SNX29: variants seen among roughly 807,000 people sequenced by gnomAD.
The protein encoded by SNX29 is sorting nexin-29.
Under a neutral mutation model 102.1 loss-of-function variants are expected in SNX29, and 78 were observed. The ratio of observed to expected loss-of-function variants is 0.76; its 90% confidence interval spans 0.64 to 0.92. The LOEUF (loss-of-function observed/expected upper bound fraction) is 0.92. Among genes scored for constraint, SNX29 ranks in the 40% least tolerant of loss-of-function variants. The probability of loss-of-function intolerance (pLI) is 0.00; values close to 1 mark genes in which losing one functional copy is unlikely to be tolerated. For missense variants in SNX29, 1,280 were observed against 1,061.7 expected (o/e 1.21, Z -2.86); for synonymous variants, 580 against 414.5 (o/e 1.40, Z -4.85).
At chr16:12,518,271 T>G (rs1381126456) in intron 19 of SNX29, among the ~76,000 whole-genome samples, 2 of 152,294 alleles carry the variant, frequency 1.3e-5, no homozygotes, top group East Asian at 3.9e-4. Flanking sequence ...CCCGTTGGCT[T>G]TGTTCACTGG....
intron 3 of SNX29, among the ~76,000 whole-genome samples, chr16:12,025,770 G>C (rs2057174317): frequency 6.6e-6 from 1 of 152,308 alleles, no homozygotes; most frequent in African/African-American, 2.4e-5. Flanking sequence ...GACGAGTAAA[G>C]ATTGAGTAAG....
intron 18 of SNX29, among the ~76,000 whole-genome samples, chr16:12,407,030 A>T (rs1189509542): frequency 6.6e-6 from 1 of 152,222 alleles, no homozygotes; most frequent in Non-Finnish European, 1.5e-5. Context: ...CATTTACCCC[A>T]CACACAGAGG....
At chr16:12,531,802 G>A (rs549974486) in intron 20 of SNX29, among the ~76,000 whole-genome samples, 3 of 152,214 alleles carry the variant, frequency 2.0e-5, no homozygotes, top group Non-Finnish European at 4.4e-5. Flanking sequence ...AGAGCCAGGC[G>A]AGGGCAGAGT....
chr16:12,559,381 C>A (rs1241017602), intron 20 of SNX29, among the ~76,000 whole-genome samples: 2 of 151,372 alleles, frequency 1.3e-5, no homozygotes, highest in East Asian at 3.9e-4. Context: ...TGATCTCTCA[C>A]CCTCTCCCAT....
intron 13 of SNX29, among the ~76,000 whole-genome samples, chr16:12,175,509 G>A (rs984036336): frequency 2.0e-5 from 3 of 152,064 alleles, no homozygotes; most frequent in Non-Finnish European, 4.4e-5. Context: ...AAATTAGCCA[G>A]GGATGGTGGT....
chr16:12,113,188 C>A (rs1409557581), intron 11 of SNX29, among the ~76,000 whole-genome samples: 1 of 152,186 alleles, frequency 6.6e-6, no homozygotes, highest in Non-Finnish European at 1.5e-5. Flanking sequence ...AGCACGGCAT[C>A]TTTCATTTTG....
intron 13 of SNX29, among the ~76,000 whole-genome samples, chr16:12,172,140 C>T (rs2076163439): frequency 6.6e-6 from 1 of 152,136 alleles, no homozygotes; most frequent in Non-Finnish European, 1.5e-5. Context: ...GAAGTGTTGC[C>T]TAAGAATGAA....
intron 16 of SNX29, among the ~76,000 whole-genome samples, chr16:12,364,239 C>G (rs902651832): frequency 2.1e-4 from 30 of 142,368 alleles, no homozygotes; most frequent in Admixed American, 3.8e-4. Flanking sequence ...CAGGCTCTCA[C>G]TATATTGCCC....
intron 13 of SNX29, among the ~76,000 whole-genome samples, chr16:12,158,127 T>C (rs2055630995): frequency 6.6e-6 from 1 of 152,032 alleles, no homozygotes; most frequent in Non-Finnish European, 1.5e-5. Flanking sequence ...TGCCCAGGCT[T>C]GATTGCAGTG....
intron 19 of SNX29, among the ~76,000 whole-genome samples, chr16:12,501,696 G>A (rs1034103117): frequency 1.4e-4 from 17 of 119,512 alleles, no homozygotes; most frequent in Non-Finnish European, 2.4e-4. Context: ...TACTACTCCA[G>A]CCTGGGTGGC....
intron 20 of SNX29, among the ~76,000 whole-genome samples, chr16:12,560,018 A>G (rs911738681): frequency 1.3e-5 from 2 of 152,172 alleles, no homozygotes; most frequent in Non-Finnish European, 2.9e-5. Context: ...TACATTTTGG[A>G]AGACTTAGTA....
At chr16:12,169,488 G>T (rs1596411118) in intron 13 of SNX29, among the ~76,000 whole-genome samples, 1 of 152,146 alleles carries the variant, frequency 6.6e-6, no homozygotes, top group African/African-American at 2.4e-5. Context: ...GCCGCCTACT[G>T]CCTTGGTGAA....
At position 12,356,225 on chromosome 16, in the gene SNX29, C is replaced by T. The variant is rs1373220845; in HGVS notation, c.1845C>T (p.Ala615=). The stretch of plus-strand genomic sequence containing the variant: ...AGCGCCTGCACAGGGCCCTGGTAGC[C>T]AAGGAAGCCCTCGTGTCCCAGATGA... The part of the protein sequence containing the change: ...FNERLHRALV[A]KEALVSQMRQ... Residue 615 remains alanine (A), a synonymous_variant, in exon 16 of 21, where the codon GCC becomes GCT. Transcript: ENST00000566228. 1.2e-6 allele frequency: 2 copies of T among 1,613,294 alleles called. No homozygotes were observed. The highest frequency in any genetic ancestry group is 2.2e-5 in the South Asian group (2 of 90,796).
chr16:12,093,818 GT>G (rs1304806107), intron 11 of SNX29: 2 of 152,194 alleles, frequency 1.3e-5, no homozygotes, highest in Non-Finnish European at 2.9e-5. Context: ...GTGCTTGTGT[GT>G]TTGTGCACAT....
chr16:12,373,233 A>G (rs1479577860), intron 16 of SNX29, among the ~76,000 whole-genome samples: 1 of 152,214 alleles, frequency 6.6e-6, no homozygotes, highest in African/African-American at 2.4e-5. Flanking sequence ...TGTGGGCTCA[A>G]GCAGTCCTCC....
chr16:12,106,618 C>T (rs1366020352), intron 11 of SNX29, among the ~76,000 whole-genome samples: 1 of 150,722 alleles, frequency 6.6e-6, no homozygotes, highest in Admixed American at 6.6e-5. Flanking sequence ...GGACTACAGG[C>T]ACGTGCCACC....
At chr16:12,081,468 C>G (rs1304321278) in intron 11 of SNX29, 2 of 152,084 alleles carry the variant, frequency 1.3e-5, no homozygotes, top group African/African-American at 4.8e-5. Flanking sequence ...GAAATCACAG[C>G]TTCTGTACTC....
At position 12,180,467 on chromosome 16, in the gene SNX29, A is replaced by G. The variant is rs560066175; in HGVS notation, c.1596-19134A>G. Among the ~76,000 whole-genome samples the G allele has an allele frequency of 4.6e-5, 7 of 150,970 alleles. No homozygotes were observed. In the East Asian group the frequency reaches 1.4e-3, roughly 29 times the overall value. ...AATATTGTGTATGGTTTTATTGGAT[A>G]CTTCTTTGTTGCTTCTCTGTCTCTT... is the stretch of plus-strand genomic sequence containing the variant. On this transcript the variant is annotated intron_variant, in intron 13 of 20. Transcript: ENST00000566228.
rs964191723 is a variant in SNX29, at chr16:12,564,915, C to T, written c.2319-3591C>T. On this transcript the variant is annotated intron_variant, in intron 20 of 20. Coordinates refer to ENST00000566228, the MANE Select transcript of SNX29 (RefSeq NM_032167.5). ...GGGGAGGAGGCATCTGCAGCAGGGACTGGAGGGAACCTTGGTGTTAAAAAA... is the reference window on the plus strand; with the variant it reads ...GGGGAGGAGGCATCTGCAGCAGGGATTGGAGGGAACCTTGGTGTTAAAAAA... Among the ~76,000 whole-genome samples, 11 of 128,898 alleles carry T rather than the reference C, an allele frequency of 8.5e-5. No homozygotes were observed. In the South Asian group the frequency reaches 2.5e-3, roughly 29 times the overall value. The allele number at this position is 128,898 out of a possible 152,430, so 84.6% of individuals were successfully genotyped here.
Sources: allele counts gnomAD v4.1 joint callset (sites outside exome capture counted in the v4.1 genomes callset), GRCh38; gene constraint gnomAD v4.1.1; transcripts MANE v1.5; gene names NCBI Gene and HGNC (gene_info 2026-07-23, HGNC 2026-07-21).